Variants in SEMA4F observed in about 807,000 individuals in gnomAD.
SEMA4F encodes the protein ssemaphorin 4F.
SEMA4F carries 51 observed loss-of-function variants against 78.4 expected under a neutral mutation model. The ratio of observed to expected loss-of-function variants is 0.65; its 90% CI spans 0.52 to 0.82. The LOEUF is 0.82. Ranked by LOEUF, SEMA4F falls within the 40% of genes least tolerant of loss-of-function variation. The probability of loss-of-function intolerance (pLI) is 0.00; values close to 1 mark genes in which losing one functional copy is unlikely to be tolerated. For missense variants in SEMA4F, 938 were observed against 1,014.4 expected (o/e 0.92, Z 1.02); for synonymous variants, 418 against 408.7 (o/e 1.02, Z -0.27).
chr2:74,654,483 TC>T lies in SEMA4F; in HGVS notation c.112del (p.Arg38AlafsTer144). ...AVLSGPVSGR[V>X]PRSVPRTSLP... Reference sequence around the variant, plus strand: ...CTGAGCGGCCCGGTATCCGGCCGCGTCCCCCGCTCGGTGCCCAGAACCTCGC... The same window carrying T: ...CTGAGCGGCCCGGTATCCGGCCGCGTCCCCGCTCGGTGCCCAGAACCTCGC... On this transcript the variant is annotated frameshift_variant, in exon 1 of 14. Transcript: ENST00000357877. LOFTEE classifies it high-confidence loss of function. 6.5e-7 allele frequency: 1 copy of T among 1,539,604 alleles called. No homozygotes were observed. The highest frequency in any genetic ancestry group is 1.2e-5 in the South Asian group (1 of 86,260).
Position 74,680,936 on chromosome 2 carries a change from A to C in SEMA4F, c.*727A>C, listed in dbSNP as rs969850864. ...GAACTGAAACACTGCCCCTCTCCCC[A>C]TTGCCCCACAACCTTACTCTAAATT... On this transcript the variant is annotated 3_prime_UTR_variant, in exon 14 of 14. Coordinates refer to ENST00000357877, the MANE Select transcript of SEMA4F (RefSeq NM_004263.5). 1 of 152,586 alleles carries C rather than the reference A, an allele frequency of 6.6e-6. No homozygotes were observed. Among genetic ancestry groups the C allele is most frequent in the African/African-American group, 2.4e-5 (1 of 41,424 alleles). 9.5% of individuals were successfully genotyped at this position (152,586 alleles called of 1,614,324 possible).
At position 74,679,999 on chromosome 2, in the gene SEMA4F, C is replaced by T. The variant is rs758283049; in HGVS notation, c.2103C>T (p.Asp701=). The part of the protein sequence containing the change: ...ELLARDKVGL[D]LGAPPSGTTS... ...TGGCTAGAGACAAGGTGGGCCTGGA[C>T]CTGGGGGCTCCACCTTCTGGGACCA... is the stretch of plus-strand genomic sequence containing the variant. Residue 701 remains aspartate (D), a synonymous_variant, in exon 14 of 14, where the codon GAC becomes GAT. Transcript: ENST00000357877. 3.1e-6 allele frequency: 5 copies of T among 1,614,058 alleles called. No homozygotes were observed. The African/African-American group carries it at 4.0e-5, about 13-fold the overall frequency.
rs1685593803 is a variant in SEMA4F, at chr2:74,681,187, C to T, written c.*978C>T. ...AGAAGGGGAACAGTCATAGGATATA[C>T]GAGCAGTATAAAGATACGTTTGCAA... On this transcript the variant is annotated 3_prime_UTR_variant, in exon 14 of 14. Transcript: ENST00000357877. 6.6e-6 allele frequency: 1 copy of T among 152,568 alleles called. No individual in the cohort carries two copies. Among genetic ancestry groups the T allele is most frequent in the African/African-American group, 2.4e-5 (1 of 41,416 alleles). The allele number at this position is 152,568 out of a possible 1,614,324, so 9.5% of individuals were successfully genotyped here.
intron 7 of SEMA4F, 80 bp from the exon 8 acceptor site, chr2:74,674,418 A>G: frequency 7.4e-7 from 1 of 1,345,740 alleles, no homozygotes. Flanking sequence ...GAAGTCAGGG[A>G]GGAAACTTAA....
At position 74,667,395 on chromosome 2, in the gene SEMA4F, T is replaced by C. The variant is rs529957445; in HGVS notation, c.550+4570T>C. ...AAATTAATTGCTCTCCAGTTAGTCC[T>C]ACCAGCAATGGCTACCAGCAGTGGC... On this transcript the variant is annotated intron_variant, in intron 5 of 13. Transcript: ENST00000357877. 2.7e-3 allele frequency among the ~76,000 whole-genome samples: 414 copies of C among 152,352 alleles called. 1 individual carries two copies. The highest frequency in any genetic ancestry group is 4.3e-3 in the Non-Finnish European group (293 of 68,018).
chr2:74,696,969 A>G, the SEMA4F span, among the ~76,000 whole-genome samples: 6 of 152,224 alleles, frequency 3.9e-5, no homozygotes, highest in Admixed American at 1.3e-4. Flanking sequence ...AACTTTGTAC[A>G]TATGTCATCT....
chr2:74,666,025 A>G (rs893967683), intron 5 of SEMA4F, among the ~76,000 whole-genome samples: 1 of 151,748 alleles, frequency 6.6e-6, no homozygotes, highest in Admixed American at 6.6e-5. Context: ...GTCCTGCCTC[A>G]GCCTCCTGAG....
rs778982799 is a variant in SEMA4F at position 74,675,777 on chromosome 2, A to G, written c.1511A>G (p.Glu504Gly). The change falls in exon 12 of 14, where the codon GAG (glutamate) becomes GGG (glycine). Residue 504 changes from glutamate (E) to glycine (G), a missense_variant. Physicochemically the swap from Glu to Gly is moderately conservative, Grantham distance 98. Coordinates refer to ENST00000357877, the MANE Select transcript of SEMA4F (RefSeq NM_004263.5). ...TGGCTCCTGGTTGGCTCCCGTACTG[A>G]GGTGACACAAGTGAATACAACCAAC... Reference protein sequence around the residue: ...HSWLLVGSRTEVTQVNTTNCG... With the variant: ...HSWLLVGSRTGVTQVNTTNCG... 9 of 1,613,986 alleles carry G rather than the reference A, an allele frequency of 5.6e-6. No homozygotes were observed. The Middle Eastern group carries it at 4.9e-4, about 88-fold the overall frequency.
In SEMA4F at chr2:74,679,715, C is replaced by T. The variant is rs1263722419; in HGVS notation, c.1819C>T (p.Leu607Phe). Residue 607 changes from leucine to phenylalanine, a missense_variant, in exon 14 of 14, where the codon CTC becomes TTC. Coordinates refer to ENST00000357877, the MANE Select transcript of SEMA4F (RefSeq NM_004263.5). ...GCACCAGCCCAGTGGAGTGACTGCACTCACCCCCCGGCGGGATGGACTGGA... is the reference window on the plus strand; with the variant it reads ...GCACCAGCCCAGTGGAGTGACTGCATTCACCCCCCGGCGGGATGGACTGGA... ...VWHQPSGVTA[L>F]TPRRDGLEVV... 3.1e-6 allele frequency: 5 copies of T among 1,614,146 alleles called. No individual in the cohort carries two copies. The highest frequency in any genetic ancestry group is 2.2e-5 in the East Asian group (1 of 44,882).
downstream of SEMA4F, among the ~76,000 whole-genome samples, chr2:74,686,010 A>T (rs1192095883): frequency 2.0e-5 from 3 of 152,248 alleles, no homozygotes; most frequent in African/African-American, 4.8e-5. Flanking sequence ...CCACAATGAG[A>T]TACCATCTCA....
intron 4 of SEMA4F, among the ~76,000 whole-genome samples, chr2:74,659,728 C>A (rs1369465029): frequency 6.6e-6 from 1 of 152,230 alleles, no homozygotes; most frequent in Non-Finnish European, 1.5e-5. Flanking sequence ...TACTACCCAG[C>A]AGCCCCAGTC....
At chr2:74,695,424 T>G in the SEMA4F span, among the ~76,000 whole-genome samples, 2 of 152,228 alleles carry the variant, frequency 1.3e-5, no homozygotes. Context: ...TCCTCAGCCT[T>G]GCCTTTTTCT....
chr2:74,662,775 G>A lies in SEMA4F; in HGVS notation c.500G>A (p.Arg167Gln), dbSNP rs778626481. Residue 167 changes from arginine to glutamine, a missense_variant, in exon 5 of 14, where the codon CGG becomes CAG. Physicochemically the swap from Arg to Gln is conservative, Grantham distance 43. Coordinates refer to ENST00000357877, the MANE Select transcript of SEMA4F (RefSeq NM_004263.5). ...CAGGTTGAAAGACTTGAGAGTGGCC[G>A]GGGGAAATGTCCTTTTGAGCCAGCT... is the stretch of plus-strand genomic sequence containing the variant. ...FQQVERLESGRGKCPFEPAQR... is the reference protein window; with the variant it reads ...FQQVERLESGQGKCPFEPAQR... 9.3e-6 allele frequency: 15 copies of A among 1,614,022 alleles called. No individual in the cohort carries two copies. Among genetic ancestry groups the A allele is most frequent in the South Asian group, 8.8e-5 (8 of 91,066 alleles).
At chr2:74,676,934 C>T (rs1474653316) in intron 12 of SEMA4F, among the ~76,000 whole-genome samples, 1 of 152,164 alleles carries the variant, frequency 6.6e-6, no homozygotes, top group African/African-American at 2.4e-5. Flanking sequence ...TGGAGTCTCA[C>T]TCTGTCGCCC....
At chr2:74,677,485 G>A (rs1005078536) in intron 12 of SEMA4F, among the ~76,000 whole-genome samples, 3 of 151,992 alleles carry the variant, frequency 2.0e-5, no homozygotes, top group South Asian at 2.1e-4. Context: ...CTTTCTTAAT[G>A]TCATCAAATA....
intron 2 of SEMA4F, 140 bp downstream of exon 2, chr2:74,656,825 G>A (rs1489024201): frequency 3.5e-6 from 3 of 856,186 alleles, no homozygotes; most frequent in Non-Finnish European, 5.4e-6. Flanking sequence ...TGGGAGACAT[G>A]GGGGGAGATC....
the SEMA4F span, among the ~76,000 whole-genome samples, chr2:74,689,576 T>C: frequency 2.0e-5 from 3 of 152,174 alleles, no homozygotes; most frequent in African/African-American, 7.2e-5. Flanking sequence ...TTTATAATAA[T>C]TATAAGCCTA....
the SEMA4F span, among the ~76,000 whole-genome samples, chr2:74,689,206 T>C: frequency 8.5e-5 from 13 of 152,332 alleles, no homozygotes; most frequent in Admixed American, 3.9e-4. Context: ...ACTGAGACAG[T>C]CTAATGTAGT....
At chr2:74,668,844 G>A (rs1437816127) in intron 5 of SEMA4F, among the ~76,000 whole-genome samples, 1 of 149,416 alleles carries the variant, frequency 6.7e-6, no homozygotes, top group Non-Finnish European at 1.5e-5. Context: ...TGGCCAGGCT[G>A]GTCTTGAACT....
Sources: gnomAD v4.1 joint callset for allele counts (sites outside exome capture counted in the v4.1 genomes callset) on GRCh38, gnomAD v4.1.1 for gene constraint, MANE v1.5 for transcripts, NCBI Gene and HGNC (gene_info 2026-07-23, HGNC 2026-07-21) for gene names.